TIAM2: variants seen among roughly 807,000 people sequenced by gnomAD.
TIAM2 encodes the protein rho guanine nucleotide exchange factor TIAM2.
Under a neutral mutation model 152.9 loss-of-function variants are expected in TIAM2, and 80 were observed. That is an observed-to-expected ratio of 0.52 (90% CI 0.44 to 0.63). TIAM2 has a LOEUF of 0.63. Among genes scored for constraint, TIAM2 ranks in the 30% least tolerant of loss-of-function variants. The pLI is 0.00. For missense variants in TIAM2, 1,965 were observed against 2,120.1 expected (o/e 0.93, Z 1.44); for synonymous variants, 804 against 838.0 (o/e 0.96, Z 0.70).
At chr6:155,097,375 T>C (rs187115821) in intron 2 of TIAM2, among the ~76,000 whole-genome samples, 4 of 152,334 alleles carry the variant, frequency 2.6e-5, no homozygotes, top group African/African-American at 9.6e-5. Context: ...AGGGTCTTCT[T>C]CTGTCACCCT....
chr6:155,103,451 C>T (rs1046302981), intron 2 of TIAM2, among the ~76,000 whole-genome samples: 4 of 152,194 alleles, frequency 2.6e-5, no homozygotes, highest in East Asian at 3.9e-4. Flanking sequence ...TGGCCGGGCG[C>T]GGTAGCTCAC....
At chr6:155,146,768 A>ATTTTTTTTTTT (rs373361803) in intron 6 of TIAM2, among the ~76,000 whole-genome samples, 36 of 135,880 alleles carry the variant, frequency 2.6e-4, no homozygotes, top group African/African-American at 9.6e-4. Flanking sequence ...TGCCTGGCTA[A>ATTTTTTTTTTT]TTTTTTTTTT....
In TIAM2 at chr6:155,211,277, C is replaced by T. The variant is rs1781710349; in HGVS notation, c.3138C>T (p.Ser1046=). The change falls in exon 15 of 27, where the codon TCC becomes TCT. Residue 1046 remains serine (S), a synonymous_variant. Coordinates refer to ENST00000682666, the MANE Select transcript of TIAM2 (RefSeq NM_012454.4). ...SQTDGTLDQV[S]HREKMEQTFR... ...CAGATGGCACTCTGGATCAGGTTTC[C>T]CACAGGGAGAAAATGGAGCAGACAT... is the stretch of plus-strand genomic sequence containing the variant. 1 of 1,613,292 alleles carries T rather than the reference C, an allele frequency of 6.2e-7. No individual in the cohort carries two copies. Among genetic ancestry groups the T allele is most frequent in the African/African-American group, 1.3e-5 (1 of 74,858 alleles).
intron 14 of TIAM2, among the ~76,000 whole-genome samples, chr6:155,191,511 G>A (rs968701062): frequency 1.3e-5 from 2 of 152,134 alleles, no homozygotes; most frequent in African/African-American, 4.8e-5. Flanking sequence ...GGGAAAATTG[G>A]CTGGGCGCGG....
At chr6:155,160,177 C>T (rs1467947096) in intron 7 of TIAM2, among the ~76,000 whole-genome samples, 1 of 152,138 alleles carries the variant, frequency 6.6e-6, no homozygotes, top group Admixed American at 6.5e-5. Context: ...AGAATGAAGA[C>T]AGCTGATGGT....
rs1417372093 is a variant in TIAM2, at chr6:155,062,111, C to G, written c.-208-28178C>G. Among the ~76,000 whole-genome samples the G allele has an allele frequency of 7.3e-5, 11 of 150,638 alleles. No individual in the cohort carries two copies. The East Asian group carries it at 2.2e-3, about 30-fold the overall frequency. ...CCCCCCCACCGCCCCCGCGCACCAC[C>G]CCCCACTTAGGAAAAGGGATTGAAG... is the stretch of plus-strand genomic sequence containing the variant. On this transcript the variant is annotated intron_variant, in intron 1 of 26. Transcript: ENST00000682666.
intron 1 of TIAM2, among the ~76,000 whole-genome samples, chr6:155,050,038 G>A (rs1777284058): frequency 6.6e-6 from 1 of 152,072 alleles, no homozygotes; most frequent in African/African-American, 2.4e-5. Flanking sequence ...ATTCTCAGAA[G>A]GTAAGAGATT....
rs146957643 is a variant in TIAM2, at chr6:155,161,151, A to C, written c.2029-3264A>C. 2.0e-5 allele frequency among the ~76,000 whole-genome samples: 3 copies of C among 152,162 alleles called. No homozygotes were observed. In the East Asian group the frequency reaches 5.8e-4, roughly 30 times the overall value. On this transcript the variant is annotated intron_variant, in intron 7 of 26. Transcript: ENST00000682666. ...AAGATTATTAAAGTGTTTCTGATAA[A>C]ACTTTATGATTCCCTGTGTATCCCT... is the stretch of plus-strand genomic sequence containing the variant.
intron 7 of TIAM2, among the ~76,000 whole-genome samples, chr6:155,163,730 CA>C (rs759632029): frequency 7.2e-5 from 11 of 152,174 alleles, no homozygotes; most frequent in Non-Finnish European, 1.6e-4. Flanking sequence ...GTGTGCAGTT[CA>C]GTTAATCCAG....
Position 155,129,948 on chromosome 6 carries a change from C to A in TIAM2, c.725C>A (p.Ser242Tyr). ...DSRLRSSKGSSLSSESSWYDS... is the reference protein window; with the variant it reads ...DSRLRSSKGSYLSSESSWYDS... ...CGCCTGCGGTCCAGCAAAGGCAGCT[C>A]CCTGAGTTCTGAGTCATCCTGGTAC... Residue 242 changes from serine (S) to tyrosine (Y), a missense_variant, in exon 4 of 27, where the codon TCC becomes TAC. This residue lies in a region of TIAM2 where 1,025 missense variants were observed against 1,119.4 expected (regional missense o/e 0.92). Coordinates refer to ENST00000682666, the MANE Select transcript of TIAM2 (RefSeq NM_012454.4). This position sits in a 1 kb window ranked among gnomAD's most constrained non-coding sequence, Gnocchi z 4.8. The A allele has an allele frequency of 6.2e-7, 1 of 1,614,072 alleles. No homozygotes were observed.
chr6:155,109,915 G>T, intron 2 of TIAM2, among the ~76,000 whole-genome samples: 1 of 150,122 alleles, frequency 6.7e-6, no homozygotes, highest in South Asian at 2.1e-4. Flanking sequence ...GCATACACAT[G>T]TGTGCAAATA....
chr6:155,051,098 G>T (rs1159459057), intron 1 of TIAM2, among the ~76,000 whole-genome samples: 1 of 152,178 alleles, frequency 6.6e-6, no homozygotes, highest in Non-Finnish European at 1.5e-5. Flanking sequence ...AGAAAAGCTG[G>T]TTTTTTGGTT....
intron 9 of TIAM2, among the ~76,000 whole-genome samples, chr6:155,172,225 C>T (rs1373721722): frequency 6.6e-6 from 1 of 152,028 alleles, no homozygotes; most frequent in Admixed American, 6.6e-5. Context: ...GTGATGTTCC[C>T]GTGTCGTGAT....
chr6:155,038,488 G>T (rs573270366), intron 1 of TIAM2, among the ~76,000 whole-genome samples: 1 of 152,188 alleles, frequency 6.6e-6, no homozygotes, highest in African/African-American at 2.4e-5. Context: ...AAGGTGCTGC[G>T]CCAAGCACTG....
At position 155,033,726 on chromosome 6, in the gene TIAM2, TTG is replaced by T. The variant is rs1330818791; in HGVS notation, c.-209+38236_-209+38237del. Among the ~76,000 whole-genome samples the T allele has an allele frequency of 8.6e-5, 13 of 150,906 alleles. 1 individual carries two copies. Among genetic ancestry groups the T allele is most frequent in the East Asian group, 3.9e-4 (2 of 5,174 alleles). ...GGCTTTCTTTTCTTTCTTTCTTTTT[TTG>T]TTTTTTGAGACAGAGTCTTGCTCTG... On this transcript the variant is annotated intron_variant, in intron 1 of 26. Coordinates refer to ENST00000682666, the MANE Select transcript of TIAM2 (RefSeq NM_012454.4).
intron 14 of TIAM2, among the ~76,000 whole-genome samples, chr6:155,189,942 G>A (rs1056047412): frequency 1.3e-5 from 2 of 152,142 alleles, no homozygotes; most frequent in South Asian, 2.1e-4. Flanking sequence ...TTGGTGGAGG[G>A]AAGGGCCTTT....
At chr6:155,203,761 T>C (rs964922680) in intron 14 of TIAM2, among the ~76,000 whole-genome samples, 1 of 152,230 alleles carries the variant, frequency 6.6e-6, no homozygotes, top group Non-Finnish European at 1.5e-5. Context: ...CACTTCATTG[T>C]TATTTGGCTG....
At chr6:155,122,841 T>C (rs941393532) in intron 2 of TIAM2, among the ~76,000 whole-genome samples, 19 of 135,662 alleles carry the variant, frequency 1.4e-4, no homozygotes, top group African/African-American at 5.2e-4. Flanking sequence ...CCAGGCCCTT[T>C]TAAAGTACTT....
intron 1 of TIAM2, among the ~76,000 whole-genome samples, chr6:155,068,598 A>ACCTGC (rs2114949665): frequency 8.6e-6 from 1 of 116,512 alleles, no homozygotes; most frequent in African/African-American, 2.7e-5. Context: ...GATTACAGGC[A>ACCTGC]CCCGCCCCCC....
Sources: allele counts gnomAD v4.1 joint callset (sites outside exome capture counted in the v4.1 genomes callset), GRCh38; gene constraint gnomAD v4.1.1; regional missense constraint gnomAD v4.1.1; non-coding constraint Gnocchi (gnomAD v3.1); transcripts MANE v1.5; gene names NCBI Gene and HGNC (gene_info 2026-07-23, HGNC 2026-07-21).